The following OPRM1 variants were observed in gnomAD, a reference collection of about 807,000 sequenced individuals.
OPRM1 encodes opioid receptor mu 1.
A neutral mutation model predicts 31.8 loss-of-function variants in OPRM1; 27 were observed. The ratio of observed to expected loss-of-function variants is 0.85; its 90% CI spans 0.63 to 1.17. The LOEUF is 1.17. Among genes scored for constraint, OPRM1 ranks in the 50% most tolerant of loss-of-function variants. The pLI is 0.00. For missense variants in OPRM1, 536 were observed against 511.1 expected (o/e 1.05, Z -0.47); for synonymous variants, 196 against 189.9 (o/e 1.03, Z -0.26).
In OPRM1 at chr6:154,173,976, G is replaced by A. The variant is rs574932123; in HGVS notation, c.1165-72717G>A. Among the ~76,000 whole-genome samples the A allele has an allele frequency of 5.9e-5, 9 of 152,260 alleles. No individual in the cohort carries two copies. The South Asian group carries it at 8.3e-4, about 14-fold the overall frequency. ...CCATCAGACTAACAGTGGATCTCTC[G>A]ACAGAAACCCTACAAGCCAGAAGAG... On this transcript the variant is annotated intron_variant, in intron 3 of 3. Coordinates refer to the OPRM1 transcript ENST00000337049.
At chr6:154,070,209 C>T (rs1786370408) in intron 1 of OPRM1, among the ~76,000 whole-genome samples, 1 of 152,222 alleles carries the variant, frequency 6.6e-6, no homozygotes, top group Non-Finnish European at 1.5e-5. Flanking sequence ...GCAGCTCATG[C>T]ACTGCCTCCC....
intron 3 of OPRM1, chr6:154,217,614 C>T (rs545735064): frequency 6.6e-6 from 1 of 152,258 alleles, no homozygotes; most frequent in Admixed American, 6.5e-5. Context: ...TTTGCTTTGT[C>T]TGACACGAAT....
chr6:154,060,303 G>T (rs1483909190), intron 1 of OPRM1, among the ~76,000 whole-genome samples: 1 of 152,174 alleles, frequency 6.6e-6, no homozygotes, highest in African/African-American at 2.4e-5. Context: ...AAGTAACCAG[G>T]CATGTCGGTG....
chr6:154,045,311 C>T (rs1780910153), intron 1 of OPRM1, among the ~76,000 whole-genome samples: 1 of 152,028 alleles, frequency 6.6e-6, no homozygotes, highest in African/African-American at 2.4e-5. Context: ...ACAAGAATTC[C>T]AAGTCTTTAG....
chr6:154,171,646 T>C (rs529703475), intron 3 of OPRM1, among the ~76,000 whole-genome samples: 1 of 152,300 alleles, frequency 6.6e-6, no homozygotes, highest in African/African-American at 2.4e-5. Flanking sequence ...AATAAAACTA[T>C]AAAAAGTAGT....
intron 1 of OPRM1, among the ~76,000 whole-genome samples, chr6:154,061,463 G>A (rs1784400166): frequency 6.6e-6 from 1 of 151,958 alleles, no homozygotes; most frequent in Admixed American, 6.6e-5. Context: ...AATAAGAGAG[G>A]TGTTATTATG....
intron 3 of OPRM1, among the ~76,000 whole-genome samples, chr6:154,173,281 C>T (rs996723581): frequency 6.6e-6 from 1 of 152,172 alleles, no homozygotes; most frequent in African/African-American, 2.4e-5. Context: ...GAACACAACT[C>T]CTCACCAGCA....
chr6:154,137,145 A>G (rs1798080979), downstream of OPRM1, among the ~76,000 whole-genome samples: 1 of 152,198 alleles, frequency 6.6e-6, no homozygotes, highest in African/African-American at 2.4e-5. Flanking sequence ...TTATGTCAAA[A>G]CTATACTTTT....
chr6:154,033,585 G>A (rs896307170), intron 1 of OPRM1, among the ~76,000 whole-genome samples: 2 of 152,192 alleles, frequency 1.3e-5, no homozygotes, highest in Admixed American at 1.3e-4. Context: ...GTTGTACAGA[G>A]ATAAGAATGC....
intron 3 of OPRM1, among the ~76,000 whole-genome samples, chr6:154,144,111 A>G (rs745681406): frequency 2.0e-5 from 3 of 152,212 alleles, no homozygotes; most frequent in Non-Finnish European, 2.9e-5. Flanking sequence ...AAACTACCAC[A>G]AGTCACCCAA....
chr6:154,233,307 C>T lies in OPRM1; in HGVS notation c.1165-13386C>T, dbSNP rs1332435085. 5.9e-5 allele frequency among the ~76,000 whole-genome samples: 9 copies of T among 152,160 alleles called. No individual in the cohort carries two copies. The East Asian group carries it at 1.7e-3, about 29-fold the overall frequency. On this transcript the variant is annotated intron_variant, in intron 3 of 3. Coordinates refer to the OPRM1 transcript ENST00000337049. ...TAGCTGTTTCTGTGTCTCGGCTCTC[C>T]TCTCTTTTCTTTGCATCAGATTAAT...
At chr6:154,215,638 AT>A (rs1778335267) in intron 3 of OPRM1, among the ~76,000 whole-genome samples, 1 of 152,154 alleles carries the variant, frequency 6.6e-6, no homozygotes, top group Admixed American at 6.5e-5. Context: ...ATTTAAAAAA[AT>A]AAACAAAATA....
intron 1 of OPRM1, among the ~76,000 whole-genome samples, chr6:154,029,999 T>C (rs1778919275): frequency 1.3e-5 from 2 of 151,866 alleles, no homozygotes; most frequent in Admixed American, 1.3e-4. Flanking sequence ...GTGAGAATGG[T>C]CTAATTTTTG....
At position 154,119,367 on chromosome 6, in the gene OPRM1, G is replaced by C. The variant is rs1797181398; in HGVS notation, c.*646G>C. ...TAATCTGAAACACAGTCATGTGTCA[G>C]CTGTAGAAAGGTTGATTCTCATGCA... On this transcript the variant is annotated 3_prime_UTR_variant, in exon 4 of 4. Transcript: ENST00000330432. The C allele has an allele frequency of 2.0e-6, 2 of 984,678 alleles. No homozygotes were observed. The highest frequency in any genetic ancestry group is 2.4e-6 in the Non-Finnish European group (2 of 829,258). 61.0% of individuals were successfully genotyped at this position (984,678 alleles called of 1,614,324 possible).
intron 3 of OPRM1, among the ~76,000 whole-genome samples, chr6:154,143,150 T>G (rs757561022): frequency 6.6e-6 from 1 of 152,208 alleles, no homozygotes; most frequent in Non-Finnish European, 1.5e-5. Flanking sequence ...ATATAATATG[T>G]GTTTAATATA....
At position 154,119,834 on chromosome 6, in the gene OPRM1, CA is replaced by C. The variant is rs1562489823; in HGVS notation, c.*1118del. Among the ~76,000 whole-genome samples, 1 of 152,128 alleles carries C rather than the reference CA, an allele frequency of 6.6e-6. No homozygotes were observed. Among genetic ancestry groups the C allele is most frequent in the Non-Finnish European group, 1.5e-5 (1 of 68,002 alleles). ...TGGATGTGAAATATTAACAATGGCC[CA>C]AAAATATTTTCCTGAAGATTGTGTT... On this transcript the variant is annotated 3_prime_UTR_variant, in exon 4 of 4. Transcript: ENST00000330432.
intron 3 of OPRM1, among the ~76,000 whole-genome samples, chr6:154,147,111 G>C (rs1007968610): frequency 6.6e-6 from 1 of 152,102 alleles, no homozygotes; most frequent in Admixed American, 6.5e-5. Flanking sequence ...ACTGCTCCAG[G>C]GAAGCAGCTG....
At chr6:154,191,259 G>A (rs1186960172) in intron 3 of OPRM1, among the ~76,000 whole-genome samples, 1 of 152,188 alleles carries the variant, frequency 6.6e-6, no homozygotes, top group Non-Finnish European at 1.5e-5. Context: ...AGGATGAATA[G>A]ATGGAGCACA....
In OPRM1 at chr6:154,168,716, C is replaced by T. The variant is rs1799632594; in HGVS notation, c.1164+77244C>T. 1.3e-5 allele frequency among the ~76,000 whole-genome samples: 2 copies of T among 152,154 alleles called. No homozygotes were observed. Among genetic ancestry groups the T allele is most frequent in the South Asian group, 4.2e-4 (2 of 4,812 alleles). ...CACCTCCCAGGTTCAAGTGATTCTC[C>T]TGTCTCAGCCTCCCAAGTAGCTGGG... On this transcript the variant is annotated intron_variant, in intron 3 of 3. Coordinates refer to the OPRM1 transcript ENST00000337049. The surrounding 1 kb of genome is among the most constrained non-coding windows in gnomAD (Gnocchi z 4.1).
Sources: allele counts gnomAD v4.1 joint callset (sites outside exome capture counted in the v4.1 genomes callset), GRCh38; gene constraint gnomAD v4.1.1; non-coding constraint Gnocchi (gnomAD v3.1); transcripts MANE v1.5; gene names NCBI Gene and HGNC (gene_info 2026-07-23, HGNC 2026-07-21).